Variants in LINGO2 observed in about 807,000 individuals in gnomAD.
The protein encoded by LINGO2 is leucine rich repeat and Ig domain containing 2.
LINGO2 carries 14 observed loss-of-function variants against 30.6 expected under a neutral mutation model. That is an observed-to-expected ratio of 0.46 (90% confidence interval 0.30 to 0.72). The LOEUF (loss-of-function observed/expected upper bound fraction) is 0.72, where lower values mean the gene tolerates loss of function less well. Among genes scored for constraint, LINGO2 ranks in the 30% least tolerant of loss-of-function variants. The probability of loss-of-function intolerance (pLI) is 0.07; values close to 1 mark genes in which losing one functional copy is unlikely to be tolerated. For missense variants in LINGO2, 729 were observed against 751.7 expected (o/e 0.97, Z 0.35); for synonymous variants, 317 against 288.5 (o/e 1.10, Z -1.00).
chr9:28,156,041 A>G (rs1828122795), intron 4 of LINGO2, among the ~76,000 whole-genome samples: 1 of 152,228 alleles, frequency 6.6e-6, no homozygotes, highest in African/African-American at 2.4e-5. Flanking sequence ...ACAACTTGTT[A>G]CTACTGATTT....
the LINGO2 span, among the ~76,000 whole-genome samples, chr9:28,817,237 TA>T: frequency 0.38 from 56,696 of 148,290 alleles, 12,495 homozygotes; most frequent in Middle Eastern, 0.52. Context: ...TGACTTAAGA[TA>T]AAAAAAAAAG....
chr9:28,530,562 C>A (rs1208014388), intron 1 of LINGO2, among the ~76,000 whole-genome samples: 1 of 152,188 alleles, frequency 6.6e-6, no homozygotes, highest in East Asian at 1.9e-4. Flanking sequence ...AGTGCACATC[C>A]AAGAAACTAC....
At chr9:28,520,429 A>C (rs551583799) in intron 1 of LINGO2, among the ~76,000 whole-genome samples, 2 of 152,022 alleles carry the variant, frequency 1.3e-5, no homozygotes, top group Non-Finnish European at 2.9e-5. Flanking sequence ...ACCTCTTCAG[A>C]GGGGCTTTCT....
chr9:28,350,915 A>C (rs1051944456), intron 3 of LINGO2, among the ~76,000 whole-genome samples: 4 of 152,120 alleles, frequency 2.6e-5, no homozygotes, highest in Admixed American at 2.6e-4. Flanking sequence ...TACATAATGA[A>C]ATGAAGGCAG....
chr9:28,186,974 T>C (rs1819563251), intron 4 of LINGO2, among the ~76,000 whole-genome samples: 1 of 152,096 alleles, frequency 6.6e-6, no homozygotes, highest in African/African-American at 2.4e-5. Context: ...AAAAGTGACA[T>C]GATCTCACTT....
chr9:28,686,093 G>GC, the LINGO2 span, among the ~76,000 whole-genome samples: 1 of 151,670 alleles, frequency 6.6e-6, no homozygotes, highest in South Asian at 2.1e-4. Context: ...CTTTCTTTCT[G>GC]CCCAGATATG....
At chr9:28,064,107 A>G (rs1825237273) in intron 4 of LINGO2, among the ~76,000 whole-genome samples, 1 of 152,164 alleles carries the variant, frequency 6.6e-6, no homozygotes, top group Non-Finnish European at 1.5e-5. Context: ...AACAAGAGGG[A>G]AAGAACTGGT....
At chr9:28,807,700 A>C in the LINGO2 span, among the ~76,000 whole-genome samples, 1 of 152,230 alleles carries the variant, frequency 6.6e-6, no homozygotes, top group African/African-American at 2.4e-5. Context: ...ACACAAAAGC[A>C]GTTTAGAAAT....
At chr9:28,320,295 GTCCACTACTC>G (rs1202478604) in intron 3 of LINGO2, among the ~76,000 whole-genome samples, 1 of 152,112 alleles carries the variant, frequency 6.6e-6, no homozygotes, top group Non-Finnish European at 1.5e-5. Flanking sequence ...CTAAGCTCCA[GTCCACTACTC>G]TTATCACTGA....
At chr9:28,740,104 G>A in the LINGO2 span, among the ~76,000 whole-genome samples, 1 of 150,598 alleles carries the variant, frequency 6.6e-6, no homozygotes, top group Non-Finnish European at 1.5e-5. Flanking sequence ...AGAAAAATAT[G>A]TGTTGCGTGA....
chr9:28,898,485 A>G, the LINGO2 span, among the ~76,000 whole-genome samples: 1 of 152,186 alleles, frequency 6.6e-6, no homozygotes, highest in Non-Finnish European at 1.5e-5. Context: ...CCCATGGTAG[A>G]GGATTAAAGG....
the LINGO2 span, among the ~76,000 whole-genome samples, chr9:28,829,113 G>T: frequency 6.6e-6 from 1 of 152,118 alleles, no homozygotes; most frequent in East Asian, 1.9e-4. Flanking sequence ...GTTGAACGTT[G>T]GGAGGAAAAG....
intron 5 of LINGO2, among the ~76,000 whole-genome samples, chr9:28,001,437 G>T (rs1462530413): frequency 3.3e-5 from 5 of 152,170 alleles, no homozygotes; most frequent in African/African-American, 1.2e-4. Context: ...GAACCTTGGA[G>T]CTCAACTGGT....
At chr9:28,946,842 T>C in the LINGO2 span, among the ~76,000 whole-genome samples, 1 of 152,084 alleles carries the variant, frequency 6.6e-6, no homozygotes, top group African/African-American at 2.4e-5. Context: ...TTCCAAGGCA[T>C]CACTGTTGAA....
At chr9:28,562,840 G>A (rs35781353) in intron 1 of LINGO2, among the ~76,000 whole-genome samples, 32,144 of 151,774 alleles carry the variant, frequency 0.21, 3,901 homozygotes, top group East Asian at 0.36. Context: ...TTATTTATTT[G>A]TGTATTTATT....
intron 3 of LINGO2, among the ~76,000 whole-genome samples, chr9:28,371,451 C>T (rs1171273879): frequency 2.6e-5 from 4 of 152,178 alleles, no homozygotes; most frequent in Non-Finnish European, 5.9e-5. Flanking sequence ...TGTGTCCTCA[C>T]ATTCTGAGAG....
At chr9:28,758,090 G>A in the LINGO2 span, among the ~76,000 whole-genome samples, 2 of 152,030 alleles carry the variant, frequency 1.3e-5, no homozygotes, top group Non-Finnish European at 2.9e-5. Flanking sequence ...CTGAGCTGAA[G>A]CAGAAGGAAA....
chr9:28,019,710 A>G (rs1431635372), intron 4 of LINGO2, among the ~76,000 whole-genome samples: 2 of 151,998 alleles, frequency 1.3e-5, no homozygotes, highest in South Asian at 2.1e-4. Context: ...CTATTTTTTC[A>G]TTAGGGATGC....
chr9:28,071,080 G>C (rs577595090), intron 4 of LINGO2, among the ~76,000 whole-genome samples: 1 of 152,246 alleles, frequency 6.6e-6, no homozygotes, highest in Non-Finnish European at 1.5e-5. Flanking sequence ...AGTACCAACA[G>C]TTATCTTATG....
Sources: gnomAD v4.1 joint callset for allele counts (sites outside exome capture counted in the v4.1 genomes callset) on GRCh38, gnomAD v4.1.1 for gene constraint, MANE v1.5 for transcripts, NCBI Gene and HGNC (gene_info 2026-07-23, HGNC 2026-07-21) for gene names.